The following VPS4A variants were observed in gnomAD, a reference collection of about 807,000 sequenced individuals.
The protein encoded by VPS4A is vacuolar protein sorting-associated protein 4A.
A neutral mutation model predicts 52.3 loss-of-function variants in VPS4A; 20 were observed. That is an observed-to-expected ratio of 0.38 (90% CI 0.27 to 0.56). The LOEUF (loss-of-function observed/expected upper bound fraction) is 0.56, where lower values mean the gene tolerates loss of function less well. Ranked by LOEUF, VPS4A falls within the 20% of genes least tolerant of loss-of-function variation. The probability of loss-of-function intolerance (pLI) is 0.72; values close to 1 mark genes in which losing one functional copy is unlikely to be tolerated. For missense variants in VPS4A, 419 were observed against 575.9 expected, an observed-to-expected ratio of 0.73 and a Z score of 2.79; for synonymous variants, 293 against 227.7, an observed-to-expected ratio of 1.29 and a Z score of -2.58.
intron 5 of VPS4A, 62 bp downstream of exon 5, chr16:69,319,004 T>C: frequency 6.3e-7 from 1 of 1,583,388 alleles, no homozygotes; most frequent in Non-Finnish European, 8.6e-7. Flanking sequence ...GGGCTGGCAC[T>C]CCGAGGCACC....
At chr16:69,324,167 G>A (rs747165332) in intron 10 of VPS4A, 41 bp from the exon 11 acceptor site, 3 of 1,597,044 alleles carry the variant, frequency 1.9e-6, no homozygotes, top group Non-Finnish European at 2.6e-6. Context: ...TGGGGACCTG[G>A]AGCCTGGCTC....
chr16:69,319,928 G>T (rs1965490001), intron 6 of VPS4A, among the ~76,000 whole-genome samples: 1 of 152,210 alleles, frequency 6.6e-6, no homozygotes, highest in Non-Finnish European at 1.5e-5. Flanking sequence ...GGGCTCCTGG[G>T]ATTGAGGCTC....
Position 69,321,316 on chromosome 16 carries a change from G to C in VPS4A, c.1071+46G>C, listed in dbSNP as rs1324724602. The C allele has an allele frequency of 1.3e-6, 2 of 1,528,876 alleles. No homozygotes were observed. The allele number at this position is 1,528,876 out of a possible 1,614,324, so 94.7% of individuals were successfully genotyped here. A position where few individuals can be genotyped will look rare whatever the true frequency, so the allele number is the denominator to read the frequency against. The stretch of plus-strand genomic sequence containing the variant: ...CTGAGAAAAATCTCATAGTAAGAGC[G>C]GGATGTTCGGTTTTTTTTTTCCCAG... On this transcript the variant is annotated intron_variant, in intron 9 of 10. Transcript: ENST00000254950. This position sits in a 1 kb window ranked among gnomAD's most constrained non-coding sequence, Gnocchi z 4.5.
rs3852690 is a variant in VPS4A, at chr16:69,325,463, C to A, written c.*1154C>A. On this transcript the variant is annotated 3_prime_UTR_variant, in exon 11 of 11. Transcript: ENST00000254950. ...TTTAAAAGTCGAGAGTTGCTGGGCG[C>A]GGTGGCTCACGCCTGTAATCCCAGC... The A allele has an allele frequency of 1.3e-5, 2 of 150,734 alleles. No individual in the cohort carries two copies. The highest frequency in any genetic ancestry group is 3.0e-5 in the Non-Finnish European group (2 of 67,788). 9.3% of individuals were successfully genotyped at this position (150,734 alleles called of 1,614,324 possible).
At position 69,324,540 on chromosome 16, in the gene VPS4A, C is replaced by A; in HGVS notation, c.*231C>A. 1 of 533,716 alleles carries A rather than the reference C, an allele frequency of 1.9e-6. No homozygotes were observed. Among genetic ancestry groups the A allele is most frequent in the Non-Finnish European group, 3.4e-6 (1 of 295,312 alleles). 33.1% of individuals were successfully genotyped at this position (533,716 alleles called of 1,614,324 possible). A position where few individuals can be genotyped will look rare whatever the true frequency, so the allele number is the denominator to read the frequency against. ...ACTGCTCTTCCTACTTCCTCCTCTC[C>A]TGGATGCTCATCAGCTCCTTCTGCC... On this transcript the variant is annotated 3_prime_UTR_variant, in exon 11 of 11. Transcript: ENST00000254950.
intron 10 of VPS4A, 52 bp from the exon 11 acceptor site, chr16:69,324,156 T>C (rs1273279812): frequency 1.1e-5 from 18 of 1,575,814 alleles, no homozygotes; most frequent in Admixed American, 1.1e-4. Context: ...TGAGGGGAGG[T>C]TGGGGACCTG....
chr16:69,320,336 C>A lies in VPS4A; in HGVS notation c.769+47C>A. ...CCCTTGGTTCTTGTTGCACCTGAAGCCAACCCTGGGCTTTATTCTGAGCTG... is the reference window on the plus strand; with the variant it reads ...CCCTTGGTTCTTGTTGCACCTGAAGACAACCCTGGGCTTTATTCTGAGCTG... On this transcript the variant is annotated intron_variant, in intron 7 of 10. Coordinates refer to ENST00000254950, the MANE Select transcript of VPS4A (RefSeq NM_013245.3). The surrounding 1 kb of genome is among the most constrained non-coding windows in gnomAD (Gnocchi z 4.2). 1 of 1,598,902 alleles carries A rather than the reference C, an allele frequency of 6.3e-7. No homozygotes were observed. The highest frequency in any genetic ancestry group is 8.6e-7 in the Non-Finnish European group (1 of 1,169,034).
intron 6 of VPS4A, 83 bp downstream of exon 6, chr16:69,319,626 C>G (rs563386904): frequency 7.3e-6 from 11 of 1,512,568 alleles, no homozygotes; most frequent in Middle Eastern, 1.8e-4. Context: ...AGTCACCTCT[C>G]AGAGGAGTGG....
intron 4 of VPS4A, 47 bp from the exon 5 acceptor site, chr16:69,318,776 C>T (rs752999166): frequency 1.2e-6 from 2 of 1,612,840 alleles, no homozygotes; most frequent in Admixed American, 3.3e-5. Flanking sequence ...TGGGTTGGCT[C>T]ATGCCCCTTG....
intron 1 of VPS4A, 73 bp downstream of exon 1, chr16:69,311,605 G>T: frequency 8.2e-7 from 1 of 1,225,062 alleles, no homozygotes; most frequent in South Asian, 3.7e-5. Context: ...GCCGGGCGGC[G>T]GGCGGGTGGT....
chr16:69,323,556 CTG>C (rs1567425346), intron 10 of VPS4A: 4 of 445,574 alleles, frequency 9.0e-6, no homozygotes, highest in South Asian at 1.6e-5. Flanking sequence ...TGTGTCAAGA[CTG>C]TGACGCAGTT....
In VPS4A at chr16:69,324,329, A is replaced by G. The variant is rs539898670; in HGVS notation, c.*20A>G. 17 of 1,610,626 alleles carry G rather than the reference A, an allele frequency of 1.1e-5. No homozygotes were observed. Among genetic ancestry groups the G allele is most frequent in the African/African-American group, 2.7e-5 (2 of 74,916 alleles). On this transcript the variant is annotated 3_prime_UTR_variant, in exon 11 of 11. Transcript: ENST00000254950. ...AGTTAAAAGCTGCTTCACTTGGGCA[A>G]TGGTGAAGGTGGGAGGTTGATTGGG...
At chr16:69,318,513 T>A in intron 3 of VPS4A, 137 bp from the exon 4 acceptor site, 2 of 903,624 alleles carry the variant, frequency 2.2e-6, no homozygotes, top group Non-Finnish European at 3.4e-6. Context: ...AGTACTTGCT[T>A]GAGTCACACG....
chr16:69,322,057 T>C (rs1127133), intron 9 of VPS4A: 27,315 of 160,620 alleles, frequency 0.17, 3,396 homozygotes, highest in African/African-American at 0.36. Context: ...AGAATCATGG[T>C]AGGAGACCAA....
chr16:69,312,060 GAAC>G (rs1965384113), intron 1 of VPS4A, among the ~76,000 whole-genome samples: 1 of 152,210 alleles, frequency 6.6e-6, no homozygotes, highest in South Asian at 2.1e-4. Context: ...CCACCTGGGT[GAAC>G]AACTGACCCA....
intron 4 of VPS4A, 28 bp downstream of exon 4, chr16:69,318,739 G>A (rs142097339): frequency 3.8e-5 from 61 of 1,613,412 alleles, no homozygotes; most frequent in South Asian, 1.3e-4. Context: ...CTGTGGCAGC[G>A]GCAGGGGATG....
chr16:69,311,984 T>C (rs187909517), intron 1 of VPS4A, among the ~76,000 whole-genome samples: 1 of 151,678 alleles, frequency 6.6e-6, no homozygotes, highest in Admixed American at 6.5e-5. Context: ...AATCTTCGAC[T>C]TCCTCTTCTC....
In VPS4A at chr16:69,320,917, G is replaced by A; in HGVS notation, c.852-134G>A. The A allele has an allele frequency of 8.1e-7, 1 of 1,233,460 alleles. No individual in the cohort carries two copies. Among genetic ancestry groups the A allele is most frequent in the Non-Finnish European group, 1.1e-6 (1 of 873,566 alleles). 76.4% of individuals were successfully genotyped at this position (1,233,460 alleles called of 1,614,324 possible). A position where few individuals can be genotyped will look rare whatever the true frequency, so the allele number is the denominator to read the frequency against. ...CCAAGCAGAGCCCTTTGTGAGGCTGGCTTGTTGAGGATGTGCCGCCAGCAT... is the reference window on the plus strand; with the variant it reads ...CCAAGCAGAGCCCTTTGTGAGGCTGACTTGTTGAGGATGTGCCGCCAGCAT... On this transcript the variant is annotated intron_variant, in intron 8 of 10. Coordinates refer to ENST00000254950, the MANE Select transcript of VPS4A (RefSeq NM_013245.3). The surrounding 1 kb of genome is among the most constrained non-coding windows in gnomAD (Gnocchi z 4.2).
At chr16:69,316,744 G>C (rs1027808870) in intron 3 of VPS4A, among the ~76,000 whole-genome samples, 1 of 152,204 alleles carries the variant, frequency 6.6e-6, no homozygotes, top group African/African-American at 2.4e-5. Flanking sequence ...GTGAGATGAC[G>C]TGGGCAGTGC....
Sources: gnomAD v4.1 joint callset for allele counts (sites outside exome capture counted in the v4.1 genomes callset) on GRCh38, gnomAD v4.1.1 for gene constraint, Gnocchi (gnomAD v3.1) non-coding constraint, MANE v1.5 for transcripts, NCBI Gene and HGNC (gene_info 2026-07-23, HGNC 2026-07-21) for gene names.